The following RNPC3 variants were observed in gnomAD, a reference collection of about 807,000 sequenced individuals.
RNPC3 encodes the protein RNA-binding region-containing protein 3.
RNPC3 carries 48 observed loss-of-function variants against 67.5 expected under a neutral mutation model. The ratio of observed to expected loss-of-function variants is 0.71; its 90% CI spans 0.56 to 0.90. RNPC3 has a LOEUF of 0.90. RNPC3 is among the 40% of genes least tolerant of loss of function. The pLI, the probability that RNPC3 is intolerant of heterozygous loss-of-function variation, is 0.00. For synonymous variants in RNPC3, 239 were observed against 210.3 expected (o/e 1.14, Z -1.18); for missense variants, 637 against 626.1 (o/e 1.02, Z -0.19).
In RNPC3 at chr1:103,543,423, C is replaced by T; in HGVS notation, c.1021C>T (p.Gln341Ter). 3 of 1,509,146 alleles carry T rather than the reference C, an allele frequency of 2.0e-6. No homozygotes were observed. The highest frequency in any genetic ancestry group is 1.4e-5 in the African/African-American group (1 of 71,344). The allele number at this position is 1,509,146 out of a possible 1,614,324, so 93.5% of individuals were successfully genotyped here. A position where few individuals can be genotyped will look rare whatever the true frequency, so the allele number is the denominator to read the frequency against. Residue 341 changes from glutamine to a stop codon, truncating the protein, a stop_gained, in exon 9 of 15, where the codon CAA (glutamine) becomes TAA (stop). Transcript: ENST00000423855. LOFTEE classifies it high-confidence loss of function. Reference protein sequence around the residue: ...AAFKKDLEKEQNCEEKNHDLP... With the variant: ...AAFKKDLEKE Reference sequence around the variant, plus strand: ...ATTTAAGAAAGATTTAGAAAAGGAACAAAATTGTGAGGAAAAAAATCATGG... The same window carrying T: ...ATTTAAGAAAGATTTAGAAAAGGAATAAAATTGTGAGGAAAAAAATCATGG...
intron 7 of RNPC3, 23 bp from the exon 8 acceptor site, chr1:103,541,327 T>C: frequency 6.8e-7 from 1 of 1,474,406 alleles, no homozygotes; most frequent in Non-Finnish European, 8.9e-7. Context: ...AAATTTTGTT[T>C]ATCATCCCTC....
At chr1:103,542,708 ATCTT>A (rs1651150181) in intron 8 of RNPC3, among the ~76,000 whole-genome samples, 2 of 151,694 alleles carry the variant, frequency 1.3e-5, no homozygotes, top group South Asian at 4.1e-4. Flanking sequence ...TTCCCTTTGA[ATCTT>A]TATAGTGACA....
At position 103,533,747 on chromosome 1, in the gene RNPC3, A is replaced by G; in HGVS notation, c.249A>G (p.Thr83=). The G allele has an allele frequency of 1.3e-6, 2 of 1,519,560 alleles. No individual in the cohort carries two copies. The highest frequency in any genetic ancestry group is 2.5e-5 in the East Asian group (1 of 40,798). The allele number at this position is 1,519,560 out of a possible 1,614,324, so 94.1% of individuals were successfully genotyped here. The change falls in exon 3 of 15, where the codon ACA becomes ACG. Residue 83 remains threonine (T), a synonymous_variant. Transcript: ENST00000423855. ...PNEKAAIKAL[T]RLHQLKLLGH... The stretch of plus-strand genomic sequence containing the variant: ...TGTTCTTTTAACTGAAGGCATTGAC[A>G]AGACTCCATCAACTGAAACTTTTAG...
chr1:103,547,130 TA>T lies in RNPC3; in HGVS notation c.1361+100del, dbSNP rs1459491953. On this transcript the variant is annotated intron_variant, in intron 12 of 14. Coordinates refer to ENST00000423855, the MANE Select transcript of RNPC3 (RefSeq NM_017619.4). ...AATCCCATCATTTTCCTTTTAGAGA[TA>T]AAAATTATATGAAAAAGTTCGTCTA... 5.7e-6 allele frequency: 4 copies of T among 703,432 alleles called. 1 individual carries two copies. In the African/African-American group the frequency reaches 7.4e-5, roughly 13 times the overall value. The allele number at this position is 703,432 out of a possible 1,614,324, so 43.6% of individuals were successfully genotyped here. A position where few individuals can be genotyped will look rare whatever the true frequency, so the allele number is the denominator to read the frequency against.
At chr1:103,547,464 A>G (rs990869502) in intron 12 of RNPC3, among the ~76,000 whole-genome samples, 1 of 152,134 alleles carries the variant, frequency 6.6e-6, no homozygotes, top group African/African-American at 2.4e-5. Flanking sequence ...AGCCTGGCAA[A>G]ACAGTTTTCT....
Position 103,541,392 on chromosome 1 carries a change from A to G in RNPC3, c.810A>G (p.Arg270=), listed in dbSNP as rs935958143. 5 of 1,510,562 alleles carry G rather than the reference A, an allele frequency of 3.3e-6. No homozygotes were observed. The highest frequency in any genetic ancestry group is 4.4e-6 in the Non-Finnish European group (5 of 1,137,762). 93.6% of individuals were successfully genotyped at this position (1,510,562 alleles called of 1,614,324 possible). ...LMELANLQPK[R]PKTIKQRHVR... The stretch of plus-strand genomic sequence containing the variant: ...AACTAGCAAATCTTCAGCCCAAAAG[A>G]CCTAAAACAATAAAGCAGCGCCATG... Residue 270 remains arginine, a synonymous_variant, in exon 8 of 15, where the codon AGA becomes AGG. Coordinates refer to ENST00000423855, the MANE Select transcript of RNPC3 (RefSeq NM_017619.4).
At chr1:103,533,296 C>T (rs1335679104) in intron 2 of RNPC3, among the ~76,000 whole-genome samples, 1 of 151,746 alleles carries the variant, frequency 6.6e-6, no homozygotes, top group Non-Finnish European at 1.5e-5. Context: ...TAACGGAATA[C>T]AAGAAAAATA....
chr1:103,527,590 G>A (rs1441129300), intron 1 of RNPC3, 105 bp from the exon 2 acceptor site: 3 of 823,486 alleles, frequency 3.6e-6, no homozygotes, highest in African/African-American at 1.7e-5. Flanking sequence ...ATCCTTTCCC[G>A]TGATTTTATT....
At chr1:103,528,197 T>A (rs1650762296) in intron 2 of RNPC3, among the ~76,000 whole-genome samples, 1 of 152,150 alleles carries the variant, frequency 6.6e-6, no homozygotes, top group Non-Finnish European at 1.5e-5. Context: ...AAGTTATAAG[T>A]GGAGCAGGAG....
In RNPC3 at chr1:103,533,934, T is replaced by G. The variant is rs1650924897; in HGVS notation, c.359+77T>G. The G allele has an allele frequency of 5.1e-6, 4 of 791,002 alleles. No individual in the cohort carries two copies. In the Admixed American group the frequency reaches 7.1e-5, roughly 14 times the overall value. The allele number at this position is 791,002 out of a possible 1,614,324, so 49.0% of individuals were successfully genotyped here. A position where few individuals can be genotyped will look rare whatever the true frequency, so the allele number is the denominator to read the frequency against. On this transcript the variant is annotated intron_variant, in intron 3 of 14. Coordinates refer to ENST00000423855, the MANE Select transcript of RNPC3 (RefSeq NM_017619.4). ...TTTTTTAAATCAGTTATACAGTTATTGTATTGTTTTCAGACTAGCAAGTAA... is the reference window on the plus strand; with the variant it reads ...TTTTTTAAATCAGTTATACAGTTATGGTATTGTTTTCAGACTAGCAAGTAA...
intron 7 of RNPC3, among the ~76,000 whole-genome samples, chr1:103,540,876 G>A (rs1651109203): frequency 6.6e-6 from 1 of 152,086 alleles, no homozygotes; most frequent in Non-Finnish European, 1.5e-5. Flanking sequence ...GGTAATTTAA[G>A]TTACCTTATT....
intron 7 of RNPC3, 56 bp from the exon 8 acceptor site, chr1:103,541,294 A>T: frequency 7.5e-7 from 1 of 1,326,396 alleles, no homozygotes; most frequent in Non-Finnish European, 9.9e-7. Flanking sequence ...AAACAGTGGT[A>T]AATAGCTATG....
intron 12 of RNPC3, among the ~76,000 whole-genome samples, chr1:103,549,347 GTATT>G (rs1190170742): frequency 1.3e-5 from 2 of 152,116 alleles, no homozygotes; most frequent in Admixed American, 6.5e-5. Flanking sequence ...TCTGGCCTAT[GTATT>G]TTTTTAGATA....
chr1:103,532,274 T>C (rs1364287351), intron 2 of RNPC3, among the ~76,000 whole-genome samples: 1 of 152,078 alleles, frequency 6.6e-6, no homozygotes, highest in East Asian at 1.9e-4. Flanking sequence ...GACTTGGATA[T>C]GGAATGTAGG....
chr1:103,538,888 A>G (rs569862630), intron 7 of RNPC3, among the ~76,000 whole-genome samples: 1 of 152,336 alleles, frequency 6.6e-6, no homozygotes, highest in African/African-American at 2.4e-5. Context: ...CATTGTTAAT[A>G]ATGGTCATGT....
chr1:103,540,264 A>G (rs765373896), intron 7 of RNPC3, among the ~76,000 whole-genome samples: 4 of 152,214 alleles, frequency 2.6e-5, no homozygotes, highest in African/African-American at 4.8e-5. Flanking sequence ...TCTTTTGTGT[A>G]TAAGTTGTAT....
intron 12 of RNPC3, among the ~76,000 whole-genome samples, chr1:103,547,993 A>G (rs918714769): frequency 2.6e-5 from 4 of 152,138 alleles, no homozygotes; most frequent in African/African-American, 9.7e-5. Flanking sequence ...CATCCTCTGA[A>G]GCCACCACCC....
intron 13 of RNPC3, 135 bp from the exon 14 acceptor site, chr1:103,551,586 T>G (rs533826860): frequency 5.4e-6 from 3 of 560,146 alleles, no homozygotes; most frequent in African/African-American, 4.0e-5. Context: ...TCCTCTCAAG[T>G]CATGAAGAGA....
chr1:103,541,793 A>G (rs1278230940), intron 8 of RNPC3, among the ~76,000 whole-genome samples: 1 of 151,962 alleles, frequency 6.6e-6, no homozygotes, highest in East Asian at 1.9e-4. Flanking sequence ...CTCCTCGTGC[A>G]TTTACAGTTT....
Sources: gnomAD v4.1 joint callset for allele counts (sites outside exome capture counted in the v4.1 genomes callset) on GRCh38, gnomAD v4.1.1 for gene constraint, MANE v1.5 for transcripts, NCBI Gene and HGNC (gene_info 2026-07-23, HGNC 2026-07-21) for gene names.